TOP1: variants seen among roughly 807,000 people sequenced by gnomAD.
TOP1 encodes the protein DNA topoisomerase I, also known as DNA topoisomerase 1.
A neutral mutation model predicts 111.1 loss-of-function variants in TOP1; 10 were observed. The ratio of observed to expected loss-of-function variants is 0.09; its 90% CI spans 0.06 to 0.15. The LOEUF (loss-of-function observed/expected upper bound fraction) is 0.15, where lower values mean the gene tolerates loss of function less well. TOP1 is among the 10% of genes least tolerant of loss of function. TOP1 has a pLI of 1.00. For missense variants in TOP1, 474 were observed against 926.7 expected (o/e 0.51, Z 6.34); for synonymous variants, 271 against 302.9 (o/e 0.89, Z 1.10).
intron 2 of TOP1, among the ~76,000 whole-genome samples, chr20:41,051,847 G>A (rs2033409829): frequency 6.6e-6 from 1 of 152,116 alleles, no homozygotes; most frequent in African/African-American, 2.4e-5. Context: ...TGAAATGATT[G>A]AGTAGGCTGA....
At chr20:41,059,409 A>AAAT (rs2033515336) in intron 2 of TOP1, among the ~76,000 whole-genome samples, 1 of 138,044 alleles carries the variant, frequency 7.2e-6, no homozygotes, top group South Asian at 2.4e-4. Flanking sequence ...AAACTGCTAG[A>AAAT]AAATAAATAA....
Position 41,094,770 on chromosome 20 carries a change from G to GGT in TOP1, c.730+2185_730+2186dup, listed in dbSNP as rs2033962687. ...AGACTCCTTTAGAACTTGCCAGGGA[G>GGT]GTGGGGCATGGGCTAGCTGAAGCAG... is the stretch of plus-strand genomic sequence containing the variant. On this transcript the variant is annotated intron_variant, in intron 9 of 20. Transcript: ENST00000361337. This position sits in a 1 kb window ranked among gnomAD's most constrained non-coding sequence, Gnocchi z 4.4. Among the ~76,000 whole-genome samples, 1 of 152,190 alleles carries GGT rather than the reference G, an allele frequency of 6.6e-6. No individual in the cohort carries two copies. Among genetic ancestry groups the GGT allele is most frequent in the Non-Finnish European group, 1.5e-5 (1 of 68,030 alleles).
At chr20:41,088,642 C>G (rs1411766012) in intron 8 of TOP1, among the ~76,000 whole-genome samples, 4 of 152,122 alleles carry the variant, frequency 2.6e-5, no homozygotes, top group Non-Finnish European at 4.4e-5. Context: ...TGCAGATGCT[C>G]TCATACACCT....
chr20:41,122,841 A>C lies in TOP1; in HGVS notation c.2196-354A>C, dbSNP rs887782393. The stretch of plus-strand genomic sequence containing the variant: ...GGTGCTAGAGATTTGGTTAGCTCTT[A>C]AAAGGCAATATAGTATAGTGGTTAA... On this transcript the variant is annotated intron_variant, in intron 20 of 20. Coordinates refer to ENST00000361337, the MANE Select transcript of TOP1 (RefSeq NM_003286.4). The surrounding 1 kb of genome is among the most constrained non-coding windows in gnomAD (Gnocchi z 5.4). 3.9e-5 allele frequency among the ~76,000 whole-genome samples: 6 copies of C among 152,180 alleles called. No homozygotes were observed. The highest frequency in any genetic ancestry group is 8.8e-5 in the Non-Finnish European group (6 of 68,034).
chr20:41,102,370 G>A lies in TOP1; in HGVS notation c.1308+1017G>A, dbSNP rs576906134. 6.8e-4 allele frequency among the ~76,000 whole-genome samples: 104 copies of A among 152,304 alleles called. No homozygotes were observed. Among genetic ancestry groups the A allele is most frequent in the African/African-American group, 2.2e-3 (93 of 41,558 alleles). ...CAAGCCTGTAATCCCAGCACTTTGGGAGGCCGAGATGGGCGGATCACCTGA... is the reference window on the plus strand; with the variant it reads ...CAAGCCTGTAATCCCAGCACTTTGGAAGGCCGAGATGGGCGGATCACCTGA... On this transcript the variant is annotated intron_variant, in intron 13 of 20. Transcript: ENST00000361337. This position sits in a 1 kb window ranked among gnomAD's most constrained non-coding sequence, Gnocchi z 4.0.
chr20:41,034,011 G>A lies in TOP1; in HGVS notation c.58+4556G>A, dbSNP rs576695415. Among the ~76,000 whole-genome samples, 1 of 152,198 alleles carries A rather than the reference G, an allele frequency of 6.6e-6. No individual in the cohort carries two copies. The highest frequency in any genetic ancestry group is 2.4e-5 in the African/African-American group (1 of 41,520). On this transcript the variant is annotated intron_variant, in intron 2 of 20. Transcript: ENST00000361337. This position sits in a 1 kb window ranked among gnomAD's most constrained non-coding sequence, Gnocchi z 4.0. Reference sequence around the variant, plus strand: ...AAAAAAAAACCCTATTGAAAGAATAGTAAAATATATTGGATGTGGAGGTGA... The same window carrying A: ...AAAAAAAAACCCTATTGAAAGAATAATAAAATATATTGGATGTGGAGGTGA...
chr20:41,108,980 T>C (rs1478766714), intron 13 of TOP1, among the ~76,000 whole-genome samples: 2 of 152,242 alleles, frequency 1.3e-5, no homozygotes, highest in Non-Finnish European at 2.9e-5. Flanking sequence ...ATCATGATTT[T>C]TCTTTCAAAT....
In TOP1 at chr20:41,122,525, T is replaced by C. The variant is rs1007945612; in HGVS notation, c.2195+370T>C. Among the ~76,000 whole-genome samples, 9 of 152,218 alleles carry C rather than the reference T, an allele frequency of 5.9e-5. No homozygotes were observed. Among genetic ancestry groups the C allele is most frequent in the African/African-American group, 2.2e-4 (9 of 41,450 alleles). On this transcript the variant is annotated intron_variant, in intron 20 of 20. Transcript: ENST00000361337. The surrounding 1 kb of genome is among the most constrained non-coding windows in gnomAD (Gnocchi z 5.4). ...CAACAAAACTTTTCGTTGAATTTTTTTGCAGTTGAAGGTAGGAACAAGAGA... is the reference window on the plus strand; with the variant it reads ...CAACAAAACTTTTCGTTGAATTTTTCTGCAGTTGAAGGTAGGAACAAGAGA...
At chr20:41,054,606 G>A (rs1600562149) in intron 2 of TOP1, among the ~76,000 whole-genome samples, 1 of 152,218 alleles carries the variant, frequency 6.6e-6, no homozygotes, top group Admixed American at 6.5e-5. Flanking sequence ...AAGCACGCTA[G>A]CATGGTGCTG....
chr20:41,041,958 G>A (rs1022743837), intron 2 of TOP1, among the ~76,000 whole-genome samples: 1 of 152,022 alleles, frequency 6.6e-6, no homozygotes, highest in African/African-American at 2.4e-5. Context: ...GCCCAGGCTG[G>A]GGTGCAGTGA....
At chr20:41,072,916 C>A (rs1198588037) in intron 3 of TOP1, 1 of 985,276 alleles carries the variant, frequency 1.0e-6, no homozygotes, top group African/African-American at 1.7e-5. Flanking sequence ...GGAGACTTGG[C>A]TTCCTTTGGA....
At chr20:41,062,583 T>C (rs2033559111) in intron 3 of TOP1, among the ~76,000 whole-genome samples, 1 of 152,200 alleles carries the variant, frequency 6.6e-6, no homozygotes, top group South Asian at 2.1e-4. Context: ...GTCTAGCTTA[T>C]GTTAATATCT....
chr20:41,093,596 C>G (rs1384031155), intron 9 of TOP1, among the ~76,000 whole-genome samples: 1 of 152,166 alleles, frequency 6.6e-6, no homozygotes, highest in Non-Finnish European at 1.5e-5. Context: ...CTCAGCCCCC[C>G]ACTGTTTTCT....
intron 2 of TOP1, among the ~76,000 whole-genome samples, chr20:41,052,642 A>T (rs1363713053): frequency 2.0e-5 from 3 of 152,170 alleles, no homozygotes; most frequent in African/African-American, 7.2e-5. Flanking sequence ...ATCTAAGCAG[A>T]GAACTAGGAC....
chr20:41,059,899 A>G (rs2033524628), intron 2 of TOP1, among the ~76,000 whole-genome samples: 1 of 152,242 alleles, frequency 6.6e-6, no homozygotes, highest in South Asian at 2.1e-4. Flanking sequence ...AAGGTATATG[A>G]GAGGCCAACA....
chr20:41,031,243 G>A lies in TOP1; in HGVS notation c.58+1788G>A, dbSNP rs1276138919. Among the ~76,000 whole-genome samples the A allele has an allele frequency of 2.6e-5, 4 of 152,284 alleles. No individual in the cohort carries two copies. In the East Asian group the frequency reaches 5.8e-4, roughly 22 times the overall value. On this transcript the variant is annotated intron_variant, in intron 2 of 20. Transcript: ENST00000361337. ...AGCCACAGTATAGACATGTTTCTTTGGGATACAGGAGCAAAGAAAGGATGT... is the reference window on the plus strand; with the variant it reads ...AGCCACAGTATAGACATGTTTCTTTAGGATACAGGAGCAAAGAAAGGATGT...
At chr20:41,057,130 G>A (rs1306266308) in intron 2 of TOP1, among the ~76,000 whole-genome samples, 1 of 151,972 alleles carries the variant, frequency 6.6e-6, no homozygotes, top group African/African-American at 2.4e-5. Context: ...GCCGGGCATG[G>A]CGGCATGCAC....
chr20:41,097,886 G>C lies in TOP1; in HGVS notation c.853-329G>C, dbSNP rs1283466108. On this transcript the variant is annotated intron_variant, in intron 10 of 20. Coordinates refer to ENST00000361337, the MANE Select transcript of TOP1 (RefSeq NM_003286.4). The surrounding 1 kb of genome is among the most constrained non-coding windows in gnomAD (Gnocchi z 4.2). ...AATAAATGAATAGAATAGGGGTAAT[G>C]TTTCCAAGAGAGAATCAGTATGGGA... Among the ~76,000 whole-genome samples, 1 of 152,176 alleles carries C rather than the reference G, an allele frequency of 6.6e-6. No individual in the cohort carries two copies. The highest frequency in any genetic ancestry group is 1.5e-5 in the Non-Finnish European group (1 of 68,024).
intron 14 of TOP1, 82 bp from the exon 15 acceptor site, chr20:41,113,888 A>AG: frequency 8.3e-7 from 1 of 1,204,926 alleles, no homozygotes; most frequent in Non-Finnish European, 1.1e-6. Context: ...TCAAAAAAAA[A>AG]AAAAAAAAAA....
Sources: gnomAD v4.1 joint callset for allele counts (sites outside exome capture counted in the v4.1 genomes callset) on GRCh38, gnomAD v4.1.1 for gene constraint, Gnocchi (gnomAD v3.1) non-coding constraint, MANE v1.5 for transcripts, NCBI Gene and HGNC (gene_info 2026-07-23, HGNC 2026-07-21) for gene names.